Variants in FBXL2 observed in about 807,000 individuals in gnomAD.
FBXL2 encodes the protein F-box/LRR-repeat protein 2.
A neutral mutation model predicts 69.2 loss-of-function variants in FBXL2; 38 were observed. The observed-to-expected ratio is 0.55, with a 90% CI of 0.42 to 0.72. The LOEUF is 0.72. Among genes scored for constraint, FBXL2 ranks in the 30% least tolerant of loss-of-function variants. The pLI is 0.00. For missense variants in FBXL2, 354 were observed against 520.3 expected, an observed-to-expected ratio of 0.68 and a Z score of 3.11; for synonymous variants, 192 against 201.3, an observed-to-expected ratio of 0.95 and a Z score of 0.39.
At chr3:33,380,514 C>T (rs1011858495) in intron 13 of FBXL2, among the ~76,000 whole-genome samples, 3 of 147,788 alleles carry the variant, frequency 2.0e-5, no homozygotes, top group Non-Finnish European at 3.0e-5. Flanking sequence ...GCTGAGATCT[C>T]GCCATTGCAC....
At chr3:33,377,999 A>G in intron 11 of FBXL2, 104 bp from the exon 12 acceptor site, 1 of 1,094,194 alleles carries the variant, frequency 9.1e-7, no homozygotes, top group Non-Finnish European at 1.4e-6. Flanking sequence ...TCTTAACAGA[A>G]GAGAACAAGG....
chr3:33,321,517 A>G (rs960677488), intron 2 of FBXL2, among the ~76,000 whole-genome samples: 2 of 152,194 alleles, frequency 1.3e-5, no homozygotes, highest in African/African-American at 4.8e-5. Flanking sequence ...GAAATGTGAC[A>G]TTATCCACAG....
intron 1 of FBXL2, among the ~76,000 whole-genome samples, chr3:33,289,046 T>C (rs1264014567): frequency 6.6e-6 from 1 of 152,108 alleles, no homozygotes; most frequent in Non-Finnish European, 1.5e-5. Context: ...GGAGAAAGTT[T>C]GGAGTAGGGA....
intron 1 of FBXL2, among the ~76,000 whole-genome samples, chr3:33,279,415 C>T (rs1029816765): frequency 8.5e-5 from 13 of 152,060 alleles, no homozygotes; most frequent in Non-Finnish European, 1.9e-4. Flanking sequence ...GGACTACAGG[C>T]GAGTGCCACC....
intron 2 of FBXL2, among the ~76,000 whole-genome samples, chr3:33,311,866 C>CCT (rs1324986399): frequency 1.3e-5 from 2 of 151,972 alleles, no homozygotes; most frequent in Non-Finnish European, 2.9e-5. Flanking sequence ...CCCCATGATC[C>CCT]CTCGCCTTGG....
chr3:33,284,564 G>A (rs980646199), intron 1 of FBXL2, among the ~76,000 whole-genome samples: 3 of 152,092 alleles, frequency 2.0e-5, no homozygotes, highest in Non-Finnish European at 2.9e-5. Context: ...TATTAGGTCC[G>A]CTTGGTGCAG....
chr3:33,374,512 C>A (rs1263890788), intron 9 of FBXL2, among the ~76,000 whole-genome samples: 1 of 152,068 alleles, frequency 6.6e-6, no homozygotes, highest in Non-Finnish European at 1.5e-5. Context: ...TAAGGGAAAA[C>A]CCTTGCATTC....
At chr3:33,324,641 T>C (rs2038533449) in intron 2 of FBXL2, among the ~76,000 whole-genome samples, 1 of 152,186 alleles carries the variant, frequency 6.6e-6, no homozygotes. Flanking sequence ...CTGAGGCCTC[T>C]GTTCTTTTCC....
intron 2 of FBXL2, among the ~76,000 whole-genome samples, chr3:33,312,967 A>G (rs1044773898): frequency 6.6e-6 from 1 of 151,962 alleles, no homozygotes; most frequent in African/African-American, 2.4e-5. Flanking sequence ...CTGAAATGCA[A>G]AAAATTTGCT....
At chr3:33,384,454 G>T (rs1361666667) in intron 14 of FBXL2, among the ~76,000 whole-genome samples, 1 of 152,054 alleles carries the variant, frequency 6.6e-6, no homozygotes, top group Admixed American at 6.5e-5. Context: ...CCAGCTACTC[G>T]GGAGGCTGAG....
intron 2 of FBXL2, among the ~76,000 whole-genome samples, chr3:33,306,536 C>T (rs1251538700): frequency 6.6e-6 from 1 of 152,104 alleles, no homozygotes; most frequent in Non-Finnish European, 1.5e-5. Context: ...AATTGTAAAT[C>T]TTTGAAGTCT....
At chr3:33,337,233 TAAGATA>T (rs1285654169) in intron 2 of FBXL2, among the ~76,000 whole-genome samples, 2 of 151,676 alleles carry the variant, frequency 1.3e-5, no homozygotes, top group African/African-American at 4.8e-5. Context: ...AAAAAAACCT[TAAGATA>T]ATGTGAAAGG....
intron 2 of FBXL2, among the ~76,000 whole-genome samples, chr3:33,352,858 G>A (rs2040920212): frequency 6.6e-6 from 1 of 152,008 alleles, no homozygotes; most frequent in Non-Finnish European, 1.5e-5. Context: ...TCACACCACT[G>A]CACTCCAGCC....
chr3:33,341,556 A>G (rs1480318311), intron 2 of FBXL2, among the ~76,000 whole-genome samples: 2 of 152,080 alleles, frequency 1.3e-5, no homozygotes, highest in Non-Finnish European at 2.9e-5. Context: ...GGGGCCCAGC[A>G]TGGTGGCTCA....
intron 12 of FBXL2, among the ~76,000 whole-genome samples, chr3:33,399,344 G>A (rs2044132985): frequency 6.6e-6 from 1 of 152,160 alleles, no homozygotes; most frequent in Non-Finnish European, 1.5e-5. Flanking sequence ...GCACTACCTG[G>A]AGAAGCAGTG....
At chr3:33,377,572 C>T (rs1223912631) in intron 11 of FBXL2, among the ~76,000 whole-genome samples, 7 of 152,300 alleles carry the variant, frequency 4.6e-5, no homozygotes, top group East Asian at 1.9e-4. Context: ...CCAGCCTCCT[C>T]CTGGCAGGAG....
At position 33,359,350 on chromosome 3, in the gene FBXL2, A is replaced by G. The variant is rs2041448134; in HGVS notation, c.188A>G (p.Asp63Gly). The G allele has an allele frequency of 1.2e-6, 2 of 1,610,588 alleles. No homozygotes were observed. Among genetic ancestry groups the G allele is most frequent in the African/African-American group, 1.3e-5 (1 of 74,896 alleles). Residue 63 changes from aspartate to glycine, a missense_variant, in exon 4 of 15, where the codon GAT becomes GGT. Coordinates refer to ENST00000484457, the MANE Select transcript of FBXL2 (RefSeq NM_012157.5). ...QRIDLFNFQT[D>G]VEGRVVENIS... ...ATAGATCTTTTTAACTTTCAAACAGATGTAGAGGTAAGTTAGCTTTGGTTT... is the reference window on the plus strand; with the variant it reads ...ATAGATCTTTTTAACTTTCAAACAGGTGTAGAGGTAAGTTAGCTTTGGTTT...
intron 1 of FBXL2, among the ~76,000 whole-genome samples, chr3:33,288,672 A>G (rs935611983): frequency 1.3e-5 from 2 of 152,208 alleles, no homozygotes; most frequent in Non-Finnish European, 2.9e-5. Context: ...CAAGAAAACC[A>G]GTGGGGCTGG....
intron 12 of FBXL2, among the ~76,000 whole-genome samples, chr3:33,402,502 C>T (rs749414392): frequency 6.6e-6 from 1 of 152,188 alleles, no homozygotes; most frequent in African/African-American, 2.4e-5. Flanking sequence ...CCTATAGACA[C>T]TGTTAATGTT....
Sources: allele counts gnomAD v4.1 joint callset (sites outside exome capture counted in the v4.1 genomes callset), GRCh38; gene constraint gnomAD v4.1.1; transcripts MANE v1.5; gene names NCBI Gene and HGNC (gene_info 2026-07-23, HGNC 2026-07-21).